The following C12orf42 variants were observed in gnomAD, a reference collection of about 807,000 sequenced individuals.
C12orf42 encodes uncharacterized protein C12orf42.
In C12orf42, 25 loss-of-function variants were observed where a neutral mutation model predicts 21.6. The ratio of observed to expected loss-of-function variants is 1.16; its 90% CI spans 0.84 to 1.62. The LOEUF is 1.62. Among genes scored for constraint, C12orf42 ranks in the 40% most tolerant of loss-of-function variants. The probability of loss-of-function intolerance (pLI) is 0.00; values close to 1 mark genes in which losing one functional copy is unlikely to be tolerated. For synonymous variants in C12orf42, 174 were observed against 175.0 expected, an observed-to-expected ratio of 0.99 and a Z score of 0.05; for missense variants, 483 against 459.3, an observed-to-expected ratio of 1.05 and a Z score of -0.47.
At chr12:103,378,239 A>G (rs938542424) in intron 3 of C12orf42, among the ~76,000 whole-genome samples, 1 of 152,194 alleles carries the variant, frequency 6.6e-6, no homozygotes, top group East Asian at 1.9e-4. Flanking sequence ...GGATATAAAT[A>G]AGTATGGCCA....
intron 2 of C12orf42, among the ~76,000 whole-genome samples, chr12:103,411,630 C>G (rs1228263992): frequency 6.6e-6 from 1 of 152,056 alleles, no homozygotes; most frequent in Non-Finnish European, 1.5e-5. Flanking sequence ...GCCAGGGGAG[C>G]TTGTTATCTT....
At chr12:103,408,518 A>G (rs1360589351) in intron 2 of C12orf42, among the ~76,000 whole-genome samples, 1 of 152,182 alleles carries the variant, frequency 6.6e-6, no homozygotes, top group Non-Finnish European at 1.5e-5. Context: ...TTTTTATCTA[A>G]GAAGATATAA....
the C12orf42 span, among the ~76,000 whole-genome samples, chr12:103,188,341 G>T: frequency 6.6e-6 from 1 of 151,984 alleles, no homozygotes; most frequent in Non-Finnish European, 1.5e-5. Flanking sequence ...TTGGTTACAT[G>T]AGTGAGTTCT....
the C12orf42 span, among the ~76,000 whole-genome samples, chr12:103,215,297 C>A: frequency 6.6e-6 from 1 of 151,776 alleles, no homozygotes; most frequent in African/African-American, 2.4e-5. Flanking sequence ...AATATAAATA[C>A]ATATATTAAT....
chr12:103,367,387 C>T (rs1404110484), intron 4 of C12orf42, among the ~76,000 whole-genome samples: 1 of 150,946 alleles, frequency 6.6e-6, no homozygotes, highest in African/African-American at 2.4e-5. Flanking sequence ...CACAAATCAC[C>T]ACTAAAGAAC....
At chr12:103,534,567 T>C in the C12orf42 span, among the ~76,000 whole-genome samples, 1 of 152,152 alleles carries the variant, frequency 6.6e-6, no homozygotes, top group Non-Finnish European at 1.5e-5. Flanking sequence ...TACTATGCCC[T>C]TGTCACTGTC....
chr12:103,504,143 G>A, the C12orf42 span: 1 of 152,750 alleles, frequency 6.5e-6, no homozygotes, highest in South Asian at 2.0e-4. Flanking sequence ...GAGCCCAACT[G>A]CAGGAGTGAC....
chr12:103,159,097 T>A, the C12orf42 span, among the ~76,000 whole-genome samples: 1 of 152,048 alleles, frequency 6.6e-6, no homozygotes, highest in Non-Finnish European at 1.5e-5. Context: ...CCTCCTGGTA[T>A]AGAAAGGAGA....
chr12:103,493,734 A>C (rs1338453501), intron 1 of C12orf42, among the ~76,000 whole-genome samples: 2 of 151,992 alleles, frequency 1.3e-5, no homozygotes, highest in African/African-American at 4.8e-5. Flanking sequence ...AAAAAAAAAA[A>C]AAAAACCTTA....
At chr12:103,087,385 C>T in the C12orf42 span, among the ~76,000 whole-genome samples, 4 of 152,168 alleles carry the variant, frequency 2.6e-5, no homozygotes, top group African/African-American at 7.2e-5. Flanking sequence ...TCATAGAACA[C>T]TAGTGAGAAA....
At chr12:103,509,547 T>G in the C12orf42 span, among the ~76,000 whole-genome samples, 2 of 152,162 alleles carry the variant, frequency 1.3e-5, no homozygotes, top group Admixed American at 6.6e-5. Flanking sequence ...TTAAATTAAT[T>G]TAACATCGAT....
At chr12:103,097,395 T>C in the C12orf42 span, among the ~76,000 whole-genome samples, 2 of 152,228 alleles carry the variant, frequency 1.3e-5, no homozygotes, top group Non-Finnish European at 2.9e-5. Flanking sequence ...GTGCATGTCT[T>C]AGGATTCGAA....
chr12:103,295,693 C>A (rs1347707072), intron 4 of C12orf42, among the ~76,000 whole-genome samples: 1 of 152,024 alleles, frequency 6.6e-6, no homozygotes, highest in Non-Finnish European at 1.5e-5. Context: ...CTTATATCAG[C>A]CTTGCATAAA....
chr12:103,141,192 C>T, the C12orf42 span, among the ~76,000 whole-genome samples: 93 of 151,940 alleles, frequency 6.1e-4, no homozygotes, highest in Middle Eastern at 0.01. Context: ...CTGAACAATA[C>T]TGTTTCTAAA....
the C12orf42 span, among the ~76,000 whole-genome samples, chr12:103,091,187 T>G: frequency 6.6e-6 from 1 of 152,130 alleles, no homozygotes; most frequent in Non-Finnish European, 1.5e-5. Flanking sequence ...GGAGCTGAAT[T>G]AGGATCCTCA....
the C12orf42 span, among the ~76,000 whole-genome samples, chr12:103,052,136 A>C: frequency 6.6e-6 from 1 of 152,188 alleles, no homozygotes; most frequent in Non-Finnish European, 1.5e-5. Context: ...AATTATTAAA[A>C]ATAATGCTGC....
chr12:103,221,779 T>C, the C12orf42 span, among the ~76,000 whole-genome samples: 1 of 152,178 alleles, frequency 6.6e-6, no homozygotes, highest in Non-Finnish European at 1.5e-5. Context: ...GGAGAGTTCT[T>C]TTCCATTGTT....
intron 4 of C12orf42, among the ~76,000 whole-genome samples, chr12:103,295,970 C>A (rs2037246540): frequency 6.6e-6 from 1 of 150,522 alleles, no homozygotes; most frequent in South Asian, 2.1e-4. Flanking sequence ...CCCATTAACT[C>A]GTCATTTGCA....
intron 3 of C12orf42, among the ~76,000 whole-genome samples, chr12:103,400,873 T>C (rs534941308): frequency 9.8e-4 from 150 of 152,302 alleles, no homozygotes; most frequent in African/African-American, 3.2e-3. Flanking sequence ...TGTTCCTTTT[T>C]AGAGGAAGTT....
Sources: gnomAD v4.1 joint callset for allele counts (sites outside exome capture counted in the v4.1 genomes callset) on GRCh38, gnomAD v4.1.1 for gene constraint, MANE v1.5 for transcripts, NCBI Gene and HGNC (gene_info 2026-07-23, HGNC 2026-07-21) for gene names.